Variants in GALNT18 observed in about 807,000 individuals in gnomAD.
The protein encoded by GALNT18 is GalNAc-transferase 18.
GALNT18 carries 44 observed loss-of-function variants against 69.5 expected under a neutral mutation model. The ratio of observed to expected loss-of-function variants is 0.63; its 90% confidence interval spans 0.50 to 0.81. The LOEUF (loss-of-function observed/expected upper bound fraction) is 0.81. Among genes scored for constraint, GALNT18 ranks in the 40% least tolerant of loss-of-function variants. The pLI, the probability that GALNT18 is intolerant of heterozygous loss-of-function variation, is 0.00. For synonymous variants in GALNT18, 364 were observed against 318.2 expected (o/e 1.14, Z -1.53); for missense variants, 715 against 810.0 (o/e 0.88, Z 1.42).
intron 3 of GALNT18, among the ~76,000 whole-genome samples, chr11:11,417,053 C>T (rs555744109): frequency 6.6e-6 from 1 of 152,320 alleles, no homozygotes; most frequent in East Asian, 1.9e-4. Flanking sequence ...CTGACTTGGA[C>T]CAGGGAACCT....
intron 1 of GALNT18, among the ~76,000 whole-genome samples, chr11:11,568,243 T>C (rs561552683): frequency 3.3e-5 from 5 of 151,814 alleles, no homozygotes; most frequent in African/African-American, 9.7e-5. Context: ...CCACTGAGAG[T>C]TGAGGTTGTT....
At position 11,589,239 on chromosome 11, in the gene GALNT18, G is replaced by T. The variant is rs1243231154; in HGVS notation, c.235+32120C>A. 2.0e-5 allele frequency among the ~76,000 whole-genome samples: 3 copies of T among 152,236 alleles called. No homozygotes were observed. The East Asian group carries it at 5.8e-4, about 29-fold the overall frequency. ...TCTCCTGCCACAGACCAGTGAGGAA[G>T]TGGGGGGAGAAGTGGCTAACTCTAG... On this transcript the variant is annotated intron_variant, in intron 1 of 10. Coordinates refer to ENST00000227756, the MANE Select transcript of GALNT18 (RefSeq NM_198516.3).
At chr11:11,353,382 T>C (rs2129523) in intron 6 of GALNT18, 569,674 of 580,138 alleles carry the variant, frequency 0.98, 280,315 homozygotes, top group East Asian at 1. Context: ...ACTGGGCTCA[T>C]CTATTTACTC....
chr11:11,388,608 G>T (rs567215003), intron 3 of GALNT18, among the ~76,000 whole-genome samples: 36 of 152,328 alleles, frequency 2.4e-4, no homozygotes, highest in African/African-American at 7.5e-4. Context: ...CTGAGTCTGA[G>T]TTGGGAAGAG....
At chr11:11,553,490 G>A (rs1403386839) in intron 1 of GALNT18, among the ~76,000 whole-genome samples, 1 of 152,172 alleles carries the variant, frequency 6.6e-6, no homozygotes, top group East Asian at 1.9e-4. Flanking sequence ...CCCCCTCCCT[G>A]CCTGCCTCTC....
chr11:11,399,224 A>G (rs1377437362), intron 3 of GALNT18, among the ~76,000 whole-genome samples: 1 of 152,140 alleles, frequency 6.6e-6, no homozygotes, highest in African/African-American at 2.4e-5. Context: ...GCAACAGGGA[A>G]GAGGACCCTC....
At position 11,383,080 on chromosome 11, in the gene GALNT18, A is replaced by T. The variant is rs1853960844; in HGVS notation, c.596-3816T>A. ...CTCCTGACATTGGAGGGACCTCTGTAAACCAGCACTACCAGAAGCAGTGAT... is the reference window on the plus strand; with the variant it reads ...CTCCTGACATTGGAGGGACCTCTGTTAACCAGCACTACCAGAAGCAGTGAT... On this transcript the variant is annotated intron_variant, in intron 3 of 10. Transcript: ENST00000227756. The surrounding 1 kb of genome is among the most constrained non-coding windows in gnomAD (Gnocchi z 5.2). 6.6e-6 allele frequency among the ~76,000 whole-genome samples: 1 copy of T among 152,170 alleles called. No homozygotes were observed. Among genetic ancestry groups the T allele is most frequent in the Non-Finnish European group, 1.5e-5 (1 of 68,026 alleles).
chr11:11,278,253 G>A (rs1410346110), intron 10 of GALNT18, among the ~76,000 whole-genome samples: 1 of 151,326 alleles, frequency 6.6e-6, no homozygotes, highest in Non-Finnish European at 1.5e-5. Flanking sequence ...ACAGATCAAT[G>A]AGACAGAAAA....
Position 11,542,546 on chromosome 11 carries a change from C to T in GALNT18, c.235+78813G>A, listed in dbSNP as rs140878664. Among the ~76,000 whole-genome samples the T allele has an allele frequency of 4.3e-4, 66 of 152,278 alleles. No homozygotes were observed. The highest frequency in any genetic ancestry group is 1.7e-3 in the East Asian group (9 of 5,186). ...AATAATTCCTACCATGTCCTTGTTC[C>T]GGAAAACAGTCATGCCAAGCTCAAA... On this transcript the variant is annotated intron_variant, in intron 1 of 10. Transcript: ENST00000227756. The surrounding 1 kb of genome is among the most constrained non-coding windows in gnomAD (Gnocchi z 4.3).
chr11:11,506,505 A>G (rs1480823959), intron 1 of GALNT18, among the ~76,000 whole-genome samples: 2 of 152,176 alleles, frequency 1.3e-5, no homozygotes, highest in African/African-American at 4.8e-5. Context: ...GTGCAGGGCG[A>G]CTTCCCAGAG....
chr11:11,455,166 T>C (rs949749445), intron 1 of GALNT18, among the ~76,000 whole-genome samples: 8 of 152,226 alleles, frequency 5.3e-5, no homozygotes, highest in Admixed American at 5.2e-4. Flanking sequence ...ATCCCTTTTA[T>C]CATCTAAGCA....
intron 1 of GALNT18, among the ~76,000 whole-genome samples, chr11:11,533,216 G>A (rs367792362): frequency 1.8e-4 from 27 of 152,300 alleles, no homozygotes; most frequent in East Asian, 1.4e-3. Flanking sequence ...CTGCTACCAG[G>A]AATGAGGTAG....
In GALNT18 at chr11:11,620,723, C is replaced by T. The variant is rs1352019365; in HGVS notation, c.235+636G>A. Among the ~76,000 whole-genome samples the T allele has an allele frequency of 6.6e-6, 1 of 152,160 alleles. No individual in the cohort carries two copies. Among genetic ancestry groups the T allele is most frequent in the Non-Finnish European group, 1.5e-5 (1 of 68,026 alleles). Reference sequence around the variant, plus strand: ...ACCTGCTCCTGGAGAGGGTCCTGGACCCGCGGGCTGTGGTGGGGGTAGGGA... The same window carrying T: ...ACCTGCTCCTGGAGAGGGTCCTGGATCCGCGGGCTGTGGTGGGGGTAGGGA... On this transcript the variant is annotated intron_variant, in intron 1 of 10. Coordinates refer to ENST00000227756, the MANE Select transcript of GALNT18 (RefSeq NM_198516.3). The surrounding 1 kb of genome is among the most constrained non-coding windows in gnomAD (Gnocchi z 6.9).
rs1859151177 is a variant in GALNT18 at position 11,583,819 on chromosome 11, C to T, written c.235+37540G>A. Among the ~76,000 whole-genome samples, 1 of 152,126 alleles carries T rather than the reference C, an allele frequency of 6.6e-6. No homozygotes were observed. Among genetic ancestry groups the T allele is most frequent in the Admixed American group, 6.6e-5 (1 of 15,266 alleles). On this transcript the variant is annotated intron_variant, in intron 1 of 10. Transcript: ENST00000227756. The surrounding 1 kb of genome is among the most constrained non-coding windows in gnomAD (Gnocchi z 4.7). ...GGTTAAGCTCACATGATGTGCAAGG[C>T]ATTCACTGGGCTAGGAGGGAGAAAT...
rs958547807 is a variant in GALNT18 at position 11,480,001 on chromosome 11, C to T, written c.236-31065G>A. 3.3e-5 allele frequency among the ~76,000 whole-genome samples: 5 copies of T among 152,234 alleles called. No individual in the cohort carries two copies. The highest frequency in any genetic ancestry group is 2.6e-4 in the Admixed American group (4 of 15,292). ...AGATGAGGAGAGAGGAGCAAGGCTG[C>T]TACCCCAAGCCCCACCAGGAGGCTA... is the stretch of plus-strand genomic sequence containing the variant. On this transcript the variant is annotated intron_variant, in intron 1 of 10. Transcript: ENST00000227756. This position sits in a 1 kb window ranked among gnomAD's most constrained non-coding sequence, Gnocchi z 4.6.
At chr11:11,355,815 G>A (rs1222145434) in intron 6 of GALNT18, among the ~76,000 whole-genome samples, 7 of 152,126 alleles carry the variant, frequency 4.6e-5, no homozygotes, top group Non-Finnish European at 8.8e-5. Context: ...CCACCATTCA[G>A]TGCTCCAGAG....
intron 10 of GALNT18, among the ~76,000 whole-genome samples, chr11:11,277,147 T>A (rs920656366): frequency 6.6e-6 from 1 of 152,166 alleles, no homozygotes; most frequent in African/African-American, 2.4e-5. Flanking sequence ...GTCCTGGACT[T>A]TTTTTGGTGG....
At chr11:11,611,781 A>ACAAGG (rs1226647753) in intron 1 of GALNT18, among the ~76,000 whole-genome samples, 1 of 152,104 alleles carries the variant, frequency 6.6e-6, no homozygotes, top group Non-Finnish European at 1.5e-5. Flanking sequence ...CTGCAGCTGG[A>ACAAGG]ACACTCCGCT....
At chr11:11,279,513 C>T (rs61872377) in intron 10 of GALNT18, among the ~76,000 whole-genome samples, 22,489 of 152,102 alleles carry the variant, frequency 0.15, 1,877 homozygotes, top group South Asian at 0.23. Context: ...ATAACTCAAA[C>T]GTCCATCAAT....
Sources: allele counts gnomAD v4.1 joint callset (sites outside exome capture counted in the v4.1 genomes callset), GRCh38; gene constraint gnomAD v4.1.1; non-coding constraint Gnocchi (gnomAD v3.1); transcripts MANE v1.5; gene names NCBI Gene and HGNC (gene_info 2026-07-23, HGNC 2026-07-21).